XKR4: variants seen among roughly 807,000 people sequenced by gnomAD.
XKR4 encodes the protein XK-related protein 4.
A neutral mutation model predicts 53.9 loss-of-function variants in XKR4; 12 were observed. The observed-to-expected ratio is 0.22, with a 90% CI of 0.14 to 0.36. The LOEUF is 0.36. Ranked by LOEUF, XKR4 falls within the 10% of genes least tolerant of loss-of-function variation. The probability of loss-of-function intolerance (pLI) is 1.00; values close to 1 mark genes in which losing one functional copy is unlikely to be tolerated. For synonymous variants in XKR4, 354 were observed against 362.4 expected (o/e 0.98, Z 0.26); for missense variants, 799 against 859.5 (o/e 0.93, Z 0.88).
intron 1 of XKR4, among the ~76,000 whole-genome samples, chr8:55,162,854 AG>A (rs1817005210): frequency 6.6e-6 from 1 of 152,232 alleles, no homozygotes; most frequent in African/African-American, 2.4e-5. Flanking sequence ...CATATGAAAT[AG>A]TTATTCTTAG....
intron 2 of XKR4, among the ~76,000 whole-genome samples, chr8:55,507,683 AT>A (rs1232227055): frequency 2.0e-5 from 3 of 152,034 alleles, no homozygotes; most frequent in East Asian, 3.9e-4. Context: ...TGAACTCATC[AT>A]TTTTTATGGC....
At chr8:55,168,861 T>A (rs1817108720) in intron 1 of XKR4, among the ~76,000 whole-genome samples, 1 of 152,204 alleles carries the variant, frequency 6.6e-6, no homozygotes, top group South Asian at 2.1e-4. Context: ...ATATGCTGAA[T>A]ATTCTGAATC....
intron 2 of XKR4, among the ~76,000 whole-genome samples, chr8:55,505,395 A>C (rs1454177167): frequency 1.3e-5 from 2 of 152,110 alleles, no homozygotes; most frequent in Non-Finnish European, 2.9e-5. Context: ...AAATAAAATA[A>C]AATAAAATAG....
At chr8:55,254,024 G>A (rs1258345803) in intron 1 of XKR4, among the ~76,000 whole-genome samples, 2 of 151,766 alleles carry the variant, frequency 1.3e-5, no homozygotes, top group Non-Finnish European at 2.9e-5. Context: ...CTGGCCTGTC[G>A]CCTATTTTCT....
At chr8:55,178,253 T>G (rs74827307) in intron 1 of XKR4, among the ~76,000 whole-genome samples, 1 of 152,226 alleles carries the variant, frequency 6.6e-6, no homozygotes, top group East Asian at 1.9e-4. Flanking sequence ...CTCATTGTCT[T>G]GGTGAAGTAA....
chr8:55,291,664 T>G (rs949153813), intron 1 of XKR4, among the ~76,000 whole-genome samples: 4 of 152,206 alleles, frequency 2.6e-5, no homozygotes, highest in African/African-American at 9.6e-5. Flanking sequence ...GTTCATTACA[T>G]GTATGTAGAA....
intron 1 of XKR4, among the ~76,000 whole-genome samples, chr8:55,170,220 C>T (rs1817139142): frequency 6.6e-6 from 1 of 152,152 alleles, no homozygotes; most frequent in Non-Finnish European, 1.5e-5. Flanking sequence ...ATCCTAATGC[C>T]TGGAACCTGT....
In XKR4 at chr8:55,449,672, G is replaced by GCCTCCA. The variant is rs139101980; in HGVS notation, c.1007-73594_1007-73589dup. 1,951 of 894,330 alleles carry GCCTCCA rather than the reference G, an allele frequency of 2.2e-3. 21 individuals are homozygous for GCCTCCA. The African/African-American group carries it at 0.028, about 13-fold the overall frequency. 55.4% of individuals were successfully genotyped at this position (894,330 alleles called of 1,614,324 possible). On this transcript the variant is annotated intron_variant, in intron 2 of 2. Transcript: ENST00000327381. ...CATGGTGGCCATGCCAGGTGCCACA[G>GCCTCCA]CCTCCACCTCCACCTCCACCAGGTC...
chr8:55,283,565 C>G (rs1323953037), intron 1 of XKR4, among the ~76,000 whole-genome samples: 1 of 152,210 alleles, frequency 6.6e-6, no homozygotes, highest in African/African-American at 2.4e-5. Context: ...CAAATGAGCA[C>G]TCGAATAGAA....
At chr8:55,225,814 T>C (rs528144558) in intron 1 of XKR4, among the ~76,000 whole-genome samples, 1 of 152,360 alleles carries the variant, frequency 6.6e-6, no homozygotes, top group South Asian at 2.1e-4. Context: ...TGAGTGAAAC[T>C]AGATACTCCA....
chr8:55,127,251 T>A lies in XKR4; in HGVS notation c.806+23957T>A, dbSNP rs1816480757. 9.2e-5 allele frequency among the ~76,000 whole-genome samples: 14 copies of A among 152,082 alleles called. No individual in the cohort carries two copies. In the South Asian group the frequency reaches 2.9e-3, roughly 32 times the overall value. ...TTAGGTGCCTAACTCTTTTTTTTTT[T>A]TTTCATTTTTTTTAATTTTGAGACA... On this transcript the variant is annotated intron_variant, in intron 1 of 2. Coordinates refer to ENST00000327381, the MANE Select transcript of XKR4 (RefSeq NM_052898.2).
chr8:55,336,794 T>C (rs1425738276), intron 1 of XKR4, among the ~76,000 whole-genome samples: 2 of 152,164 alleles, frequency 1.3e-5, no homozygotes, highest in African/African-American at 2.4e-5. Flanking sequence ...GGGGGTACAC[T>C]ACAATTCTCT....
intron 2 of XKR4, among the ~76,000 whole-genome samples, chr8:55,403,124 A>G (rs1804632761): frequency 6.6e-6 from 1 of 152,236 alleles, no homozygotes. Flanking sequence ...CCTCATTTCT[A>G]TAATAGAGTA....
chr8:55,391,727 A>G (rs1585552423), intron 2 of XKR4, among the ~76,000 whole-genome samples: 1 of 152,344 alleles, frequency 6.6e-6, no homozygotes, highest in East Asian at 1.9e-4. Context: ...CATAAAAAAC[A>G]AAATATAACT....
intron 1 of XKR4, among the ~76,000 whole-genome samples, chr8:55,223,441 C>T (rs1817912065): frequency 6.6e-6 from 1 of 152,208 alleles, no homozygotes; most frequent in Non-Finnish European, 1.5e-5. Flanking sequence ...TACCCTACTC[C>T]AGTTTACAGT....
intron 1 of XKR4, among the ~76,000 whole-genome samples, chr8:55,248,613 A>T (rs1818321422): frequency 6.6e-6 from 1 of 152,178 alleles, no homozygotes; most frequent in Non-Finnish European, 1.5e-5. Flanking sequence ...ACTCTGCTTC[A>T]TTTATCTTCA....
intron 2 of XKR4, among the ~76,000 whole-genome samples, chr8:55,510,334 G>A (rs890407471): frequency 6.6e-6 from 1 of 152,186 alleles, no homozygotes; most frequent in Non-Finnish European, 1.5e-5. Flanking sequence ...CGAGAAGCGG[G>A]AAGGCGCAAT....
At chr8:55,105,316 G>A (rs1235215488) in intron 1 of XKR4, among the ~76,000 whole-genome samples, 1 of 145,482 alleles carries the variant, frequency 6.9e-6, no homozygotes, top group Non-Finnish European at 1.5e-5. Context: ...TAGCCACTGG[G>A]CCAACTTATC....
chr8:55,254,407 T>C (rs1585969418), intron 1 of XKR4, among the ~76,000 whole-genome samples: 1 of 152,272 alleles, frequency 6.6e-6, no homozygotes. Flanking sequence ...TTGTCATGGA[T>C]TGGGCGTGTG....
Sources: allele counts gnomAD v4.1 joint callset (sites outside exome capture counted in the v4.1 genomes callset), GRCh38; gene constraint gnomAD v4.1.1; transcripts MANE v1.5; gene names NCBI Gene and HGNC (gene_info 2026-07-23, HGNC 2026-07-21).